The following RASAL2 variants were observed in gnomAD, a reference collection of about 807,000 sequenced individuals.
RASAL2 encodes the protein RAS protein activator like 2.
In RASAL2, 58 loss-of-function variants were observed where a neutral mutation model predicts 128.9. The ratio of observed to expected loss-of-function variants is 0.45; its 90% CI spans 0.36 to 0.56. The LOEUF (loss-of-function observed/expected upper bound fraction) is 0.56, where lower values mean the gene tolerates loss of function less well. Ranked by LOEUF, RASAL2 falls within the 20% of genes least tolerant of loss-of-function variation. The pLI is 0.00. For missense variants in RASAL2, 1,360 were observed against 1,601.6 expected, an observed-to-expected ratio of 0.85 and a Z score of 2.57; for synonymous variants, 561 against 580.8, an observed-to-expected ratio of 0.97 and a Z score of 0.49.
At chr1:178,099,292 A>G (rs1450082547) in intron 1 of RASAL2, among the ~76,000 whole-genome samples, 3 of 152,226 alleles carry the variant, frequency 2.0e-5, no homozygotes, top group South Asian at 2.1e-4. Context: ...AGGATGTGGC[A>G]TAGGCTTGTT....
At chr1:178,371,591 T>C (rs569365319) in intron 3 of RASAL2, among the ~76,000 whole-genome samples, 1 of 152,106 alleles carries the variant, frequency 6.6e-6, no homozygotes, top group African/African-American at 2.4e-5. Flanking sequence ...AAAGGAGGGA[T>C]GAGAGCTTCC....
intron 3 of RASAL2, among the ~76,000 whole-genome samples, chr1:178,373,747 A>C (rs1331072906): frequency 6.6e-6 from 1 of 152,088 alleles, no homozygotes; most frequent in African/African-American, 2.4e-5. Flanking sequence ...AGTAAATAAA[A>C]AGTGCTATAG....
intron 4 of RASAL2, among the ~76,000 whole-genome samples, chr1:178,419,742 G>A (rs184154192): frequency 1.1e-4 from 17 of 152,236 alleles, no homozygotes; most frequent in Admixed American, 6.5e-4. Flanking sequence ...GTGCAGAGTC[G>A]AGGAGGATGT....
chr1:178,311,999 T>A (rs1668277802), intron 3 of RASAL2, among the ~76,000 whole-genome samples: 1 of 151,102 alleles, frequency 6.6e-6, no homozygotes, highest in Non-Finnish European at 1.5e-5. Flanking sequence ...TACTAAAAAA[T>A]TAGAATATAA....
At chr1:178,278,674 T>C (rs1306647272) in intron 1 of RASAL2, among the ~76,000 whole-genome samples, 1 of 152,190 alleles carries the variant, frequency 6.6e-6, no homozygotes, top group Non-Finnish European at 1.5e-5. Flanking sequence ...CATAGACTTA[T>C]TGTCCTTTCT....
chr1:178,195,484 G>T (rs987345825), intron 1 of RASAL2, among the ~76,000 whole-genome samples: 1 of 151,866 alleles, frequency 6.6e-6, no homozygotes, highest in African/African-American at 2.4e-5. Context: ...TTATTGTGTG[G>T]CTCCCAAAGC....
intron 1 of RASAL2, among the ~76,000 whole-genome samples, chr1:178,221,516 A>T (rs191180054): frequency 1.3e-5 from 2 of 152,232 alleles, no homozygotes; most frequent in African/African-American, 4.8e-5. Flanking sequence ...GATTTCTTTG[A>T]TAACATGTAC....
chr1:178,343,822 A>G (rs1006212434), intron 3 of RASAL2, among the ~76,000 whole-genome samples: 3 of 151,916 alleles, frequency 2.0e-5, no homozygotes, highest in African/African-American at 7.2e-5. Flanking sequence ...AAAGGTGCCC[A>G]CTTTGTGGCT....
In RASAL2 at chr1:178,474,298, A is replaced by G. The variant is rs950574041; in HGVS notation, c.*1059A>G. Reference sequence around the variant, plus strand: ...AAAATTTTTTCTATGTGTTGTTATAATTTTTGTTTGGGATAAAGACTCTAT... The same window carrying G: ...AAAATTTTTTCTATGTGTTGTTATAGTTTTTGTTTGGGATAAAGACTCTAT... On this transcript the variant is annotated 3_prime_UTR_variant, in exon 18 of 18. Coordinates refer to ENST00000367649, the MANE Select transcript of RASAL2 (RefSeq NM_170692.4). The G allele has an allele frequency of 2.0e-5, 3 of 152,636 alleles. No individual in the cohort carries two copies. Among genetic ancestry groups the G allele is most frequent in the African/African-American group, 4.8e-5 (2 of 41,460 alleles). 9.5% of individuals were successfully genotyped at this position (152,636 alleles called of 1,614,324 possible).
intron 4 of RASAL2, among the ~76,000 whole-genome samples, chr1:178,407,957 T>G (rs1674096887): frequency 6.6e-6 from 1 of 152,200 alleles, no homozygotes; most frequent in South Asian, 2.1e-4. Flanking sequence ...GCCAACAACT[T>G]TAGTTATCAT....
rs546030844 is a variant in RASAL2 at position 178,283,588 on chromosome 1, G to T, written c.227G>T (p.Arg76Leu). The T allele has an allele frequency of 6.8e-6, 11 of 1,612,826 alleles. No homozygotes were observed. Among genetic ancestry groups the T allele is most frequent in the African/African-American group, 5.3e-5 (4 of 74,808 alleles). The change falls in exon 2 of 18, where the codon CGT (arginine) becomes CTT (leucine). Residue 76 changes from arginine (R) to leucine (L), a missense_variant. Physicochemically the swap from Arg to Leu is moderately radical, Grantham distance 102 (BLOSUM62 -2). Around this residue, in one of 3 missense-constraint regions of RASAL2, gnomAD observed 617 missense variants for 714.2 expected, o/e 0.86. Coordinates refer to ENST00000367649, the MANE Select transcript of RASAL2 (RefSeq NM_170692.4). ...GATGTGAAAGGACCACCCACCCACC[G>T]TCTGTCTTGTGGTCAGTCACCCTAC... Reference protein sequence around the residue: ...VYDVKGPPTHRLSCGQSPYTE... With the variant: ...VYDVKGPPTHLLSCGQSPYTE...
chr1:178,112,285 C>T (rs2102248696), intron 1 of RASAL2, among the ~76,000 whole-genome samples: 1 of 152,222 alleles, frequency 6.6e-6, no homozygotes, highest in East Asian at 1.9e-4. Context: ...GGCACGGTGG[C>T]TCATGCCTGT....
chr1:178,433,433 G>A (rs1421945689), intron 5 of RASAL2, among the ~76,000 whole-genome samples: 1 of 152,066 alleles, frequency 6.6e-6, no homozygotes, highest in African/African-American at 2.4e-5. Context: ...TTGTGTGTGA[G>A]TACACAGACC....
intron 3 of RASAL2, among the ~76,000 whole-genome samples, chr1:178,304,973 CA>C (rs1280021827): frequency 1.3e-5 from 2 of 152,082 alleles, no homozygotes; most frequent in Non-Finnish European, 2.9e-5. Context: ...ACCAAATCAG[CA>C]TACAAAAATC....
At chr1:178,240,903 CTATTA>C (rs1252621680) in intron 1 of RASAL2, among the ~76,000 whole-genome samples, 2 of 150,898 alleles carry the variant, frequency 1.3e-5, no homozygotes, top group African/African-American at 2.4e-5. Flanking sequence ...CTTTTTATTT[CTATTA>C]TAATTATTTT....
intron 1 of RASAL2, among the ~76,000 whole-genome samples, chr1:178,122,253 T>A (rs1263018301): frequency 6.6e-6 from 1 of 152,216 alleles, no homozygotes. Context: ...GTGTGCTTTA[T>A]CACCGATCTG....
At chr1:178,241,867 G>C (rs929835458) in intron 1 of RASAL2, among the ~76,000 whole-genome samples, 1 of 152,186 alleles carries the variant, frequency 6.6e-6, no homozygotes, top group Non-Finnish European at 1.5e-5. Flanking sequence ...CTGTTGCTTA[G>C]TCTGGAAAGC....
intron 3 of RASAL2, among the ~76,000 whole-genome samples, chr1:178,358,784 C>A (rs935270074): frequency 5.3e-5 from 8 of 152,116 alleles, no homozygotes; most frequent in Admixed American, 5.2e-4. Context: ...ATGTATATAC[C>A]AAAGAGGAAT....
At chr1:178,260,652 C>A (rs1482638923) in intron 1 of RASAL2, among the ~76,000 whole-genome samples, 1 of 151,650 alleles carries the variant, frequency 6.6e-6, no homozygotes, top group African/African-American at 2.4e-5. Context: ...AAGTCAAACT[C>A]TATATCCTAA....
Sources: allele counts gnomAD v4.1 joint callset (sites outside exome capture counted in the v4.1 genomes callset), GRCh38; gene constraint gnomAD v4.1.1; regional missense constraint gnomAD v4.1.1; transcripts MANE v1.5; gene names NCBI Gene and HGNC (gene_info 2026-07-23, HGNC 2026-07-21).